The following KCNIP4 variants were observed in gnomAD, a reference collection of about 807,000 sequenced individuals.
KCNIP4 encodes potassium voltage-gated channel interacting protein 4.
A neutral mutation model predicts 34.0 loss-of-function variants in KCNIP4; 12 were observed. That is an observed-to-expected ratio of 0.35 (90% CI 0.23 to 0.57). The LOEUF (loss-of-function observed/expected upper bound fraction) is 0.57. Among genes scored for constraint, KCNIP4 ranks in the 20% least tolerant of loss-of-function variants. The pLI is 0.83. For missense variants in KCNIP4, 238 were observed against 311.7 expected (o/e 0.76, Z 1.78); for synonymous variants, 124 against 102.2 (o/e 1.21, Z -1.29).
chr4:21,535,819 T>C (rs1381637439), intron 1 of KCNIP4, among the ~76,000 whole-genome samples: 2 of 152,192 alleles, frequency 1.3e-5, no homozygotes, highest in Non-Finnish European at 2.9e-5. Flanking sequence ...CTAAGGTTTT[T>C]CAAAGATAGG....
At chr4:21,829,827 A>G (rs1000757050) in intron 1 of KCNIP4, among the ~76,000 whole-genome samples, 1 of 152,036 alleles carries the variant, frequency 6.6e-6, no homozygotes, top group Non-Finnish European at 1.5e-5. Flanking sequence ...TTATCTATCA[A>G]TAAGTATTTT....
intron 1 of KCNIP4, among the ~76,000 whole-genome samples, chr4:21,172,044 T>C (rs933822178): frequency 6.6e-6 from 1 of 152,196 alleles, no homozygotes; most frequent in Non-Finnish European, 1.5e-5. Context: ...TTGTTTTGTT[T>C]TGAGACAGAG....
chr4:21,505,745 C>A (rs1180151745), intron 1 of KCNIP4, among the ~76,000 whole-genome samples: 2 of 152,288 alleles, frequency 1.3e-5, no homozygotes, highest in African/African-American at 4.8e-5. Flanking sequence ...AATGACCAAT[C>A]TGAAACACAA....
At chr4:20,990,449 C>A (rs1022691330) in intron 1 of KCNIP4, among the ~76,000 whole-genome samples, 2 of 152,160 alleles carry the variant, frequency 1.3e-5, no homozygotes, top group Non-Finnish European at 2.9e-5. Flanking sequence ...TTTGAATGCC[C>A]TATTGAATCC....
intron 1 of KCNIP4, among the ~76,000 whole-genome samples, chr4:21,669,792 G>C (rs559831318): frequency 2.0e-5 from 3 of 152,082 alleles, no homozygotes; most frequent in African/African-American, 7.2e-5. Flanking sequence ...TGCTATGCAC[G>C]AGCTTTTCAT....
At chr4:21,054,435 C>T (rs1205115506) in intron 1 of KCNIP4, among the ~76,000 whole-genome samples, 1 of 151,240 alleles carries the variant, frequency 6.6e-6, no homozygotes, top group Non-Finnish European at 1.5e-5. Context: ...AAGAGAATCG[C>T]ATGAACCTGG....
intron 1 of KCNIP4, among the ~76,000 whole-genome samples, chr4:21,636,290 TA>T (rs369967095): frequency 3.9e-4 from 49 of 126,780 alleles, no homozygotes; most frequent in Middle Eastern, 7.9e-3. Flanking sequence ...TAAAGTATAA[TA>T]AAAAAAAAGG....
At chr4:21,694,945 T>TAAA (rs202211170) in intron 1 of KCNIP4, among the ~76,000 whole-genome samples, 12,376 of 68,950 alleles carry the variant, frequency 0.18, 1,900 homozygotes, top group African/African-American at 0.39. Context: ...AATAAATAAA[T>TAAA]AAATAAAGGG....
chr4:20,953,256 C>T (rs1430569932), intron 1 of KCNIP4, among the ~76,000 whole-genome samples: 3 of 152,182 alleles, frequency 2.0e-5, no homozygotes, highest in African/African-American at 7.2e-5. Flanking sequence ...TTCAGGGAAC[C>T]TCAGAGTGGC....
intron 1 of KCNIP4, among the ~76,000 whole-genome samples, chr4:21,545,417 G>T (rs1460187793): frequency 1.3e-5 from 2 of 151,988 alleles, no homozygotes; most frequent in Non-Finnish European, 2.9e-5. Flanking sequence ...TTAAGTTCTG[G>T]GTTACATGTG....
At chr4:20,863,286 C>T (rs10021030) in intron 2 of KCNIP4, among the ~76,000 whole-genome samples, 2 of 151,292 alleles carry the variant, frequency 1.3e-5, no homozygotes, top group Non-Finnish European at 2.9e-5. Flanking sequence ...GCTCATAGTG[C>T]GGTTTTCTTG....
chr4:20,781,486 G>A (rs867575426), intron 3 of KCNIP4, among the ~76,000 whole-genome samples: 2 of 152,154 alleles, frequency 1.3e-5, no homozygotes, highest in Non-Finnish European at 1.5e-5. Context: ...TTAATTGGAC[G>A]TACAGTTCCA....
At chr4:20,914,546 C>G (rs1416187248) in intron 1 of KCNIP4, among the ~76,000 whole-genome samples, 1 of 151,140 alleles carries the variant, frequency 6.6e-6, no homozygotes, top group East Asian at 2.0e-4. Context: ...ATAAGCCACT[C>G]AGTTTATGAT....
intron 1 of KCNIP4, among the ~76,000 whole-genome samples, chr4:21,809,560 T>G (rs1721500265): frequency 6.6e-6 from 1 of 152,168 alleles, no homozygotes. Flanking sequence ...CTAAAACATG[T>G]TTAATGTAGG....
chr4:20,976,980 T>G (rs1160341598), intron 1 of KCNIP4, among the ~76,000 whole-genome samples: 1 of 151,976 alleles, frequency 6.6e-6, no homozygotes, highest in Non-Finnish European at 1.5e-5. Context: ...ATTACAGGCA[T>G]GCACCACCAC....
chr4:21,037,408 T>C (rs898066479), intron 1 of KCNIP4, among the ~76,000 whole-genome samples: 5 of 152,250 alleles, frequency 3.3e-5, no homozygotes, highest in African/African-American at 1.2e-4. Flanking sequence ...ATTTTTACTA[T>C]ACCTTTTCTC....
At chr4:21,384,751 T>C (rs1721863770) in intron 1 of KCNIP4, among the ~76,000 whole-genome samples, 2 of 152,304 alleles carry the variant, frequency 1.3e-5, no homozygotes, top group African/African-American at 4.8e-5. Flanking sequence ...TAAAGTGTAC[T>C]GTAAATTATG....
chr4:21,937,795 C>T (rs28647716), intron 1 of KCNIP4, among the ~76,000 whole-genome samples: 1 of 152,040 alleles, frequency 6.6e-6, no homozygotes, highest in Admixed American at 6.6e-5. Context: ...CACTGCATGA[C>T]CAATGCCTTG....
chr4:21,663,460 G>T (rs1455972654), intron 1 of KCNIP4, among the ~76,000 whole-genome samples: 1 of 152,086 alleles, frequency 6.6e-6, no homozygotes, highest in Non-Finnish European at 1.5e-5. Flanking sequence ...GACTGCAGAT[G>T]CTCCCTGGCT....
Sources: allele counts gnomAD v4.1 joint callset (sites outside exome capture counted in the v4.1 genomes callset), GRCh38; gene constraint gnomAD v4.1.1; transcripts MANE v1.5; gene names NCBI Gene and HGNC (gene_info 2026-07-23, HGNC 2026-07-21).